SENP2: variants seen among roughly 807,000 people sequenced by gnomAD.
SENP2 encodes sentrin-specific protease 2.
Under a neutral mutation model 86.3 loss-of-function variants are expected in SENP2, and 16 were observed. That is an observed-to-expected ratio of 0.19 (90% confidence interval 0.13 to 0.28). The LOEUF (loss-of-function observed/expected upper bound fraction) is 0.28. SENP2 is among the 10% of genes least tolerant of loss of function. The pLI is 1.00. For synonymous variants in SENP2, 222 were observed against 238.7 expected, an observed-to-expected ratio of 0.93 and a Z score of 0.64; for missense variants, 552 against 703.0, an observed-to-expected ratio of 0.79 and a Z score of 2.43.
At chr3:185,600,953 T>C in intron 5 of SENP2, 98 bp downstream of exon 5, 1 of 804,622 alleles carries the variant, frequency 1.2e-6, no homozygotes, top group Non-Finnish European at 2.1e-6. Context: ...GTAGTCCTGC[T>C]AAGCGCTCTG....
intron 16 of SENP2, among the ~76,000 whole-genome samples, chr3:185,628,605 C>T (rs1302565546): frequency 6.6e-6 from 1 of 152,204 alleles, no homozygotes; most frequent in African/African-American, 2.4e-5. Flanking sequence ...CTCCCGGGTT[C>T]AAGCAAGTCT....
At position 185,594,630 on chromosome 3, in the gene SENP2, T is replaced by G. The variant is rs887137425; in HGVS notation, c.158-3782T>G. Among the ~76,000 whole-genome samples the G allele has an allele frequency of 4.5e-3, 681 of 151,822 alleles. 2 individuals carry two copies. The highest frequency in any genetic ancestry group is 7.9e-3 in the Non-Finnish European group (538 of 67,876). The stretch of plus-strand genomic sequence containing the variant: ...TTTCAGGCTCATGATCTTTTTTTTT[T>G]TTTTTTTGGGACAGAGTCTCGCTGT... On this transcript the variant is annotated intron_variant, in intron 2 of 16. Coordinates refer to ENST00000296257, the MANE Select transcript of SENP2 (RefSeq NM_021627.3).
At chr3:185,620,918 T>C (rs1413722937) in intron 13 of SENP2, among the ~76,000 whole-genome samples, 1 of 151,534 alleles carries the variant, frequency 6.6e-6, no homozygotes, top group Non-Finnish European at 1.5e-5. Context: ...CAGGAGGGGT[T>C]GCTTGAGCCC....
chr3:185,629,089 G>T (rs1712290486), intron 16 of SENP2, among the ~76,000 whole-genome samples: 1 of 152,108 alleles, frequency 6.6e-6, no homozygotes, highest in South Asian at 2.1e-4. Flanking sequence ...TGTAGATTTT[G>T]TTGTTTTTTA....
intron 13 of SENP2, among the ~76,000 whole-genome samples, 180 bp downstream of exon 13, chr3:185,619,682 C>A (rs1711766033): frequency 6.6e-6 from 1 of 150,716 alleles, no homozygotes; most frequent in Non-Finnish European, 1.5e-5. Context: ...CCTTTTAGTT[C>A]TTTTTATTTA....
chr3:185,595,382 A>G (rs1009818340), intron 2 of SENP2, among the ~76,000 whole-genome samples: 1 of 152,188 alleles, frequency 6.6e-6, no homozygotes, highest in Non-Finnish European at 1.5e-5. Context: ...TTAGAAGGGG[A>G]TAACCTGGAA....
intron 2 of SENP2, among the ~76,000 whole-genome samples, chr3:185,595,330 C>T (rs1213570389): frequency 6.6e-6 from 1 of 152,202 alleles, no homozygotes; most frequent in East Asian, 1.9e-4. Context: ...TTCTTCTCCT[C>T]CTTAGAAAGT....
At chr3:185,608,570 T>C (rs1369440846) in intron 6 of SENP2, among the ~76,000 whole-genome samples, 3 of 152,124 alleles carry the variant, frequency 2.0e-5, no homozygotes, top group African/African-American at 7.2e-5. Context: ...GTGATGGAAA[T>C]TTTGAGGAGA....
Position 185,614,757 on chromosome 3 carries a change from T to C in SENP2, c.1110+17T>C, listed in dbSNP as rs1711542826. ...CTTACAGAGGTATTGTTCTTTGTATTGATCCTAAAAAGAGGCATGTCTTTA... is the reference window on the plus strand; with the variant it reads ...CTTACAGAGGTATTGTTCTTTGTATCGATCCTAAAAAGAGGCATGTCTTTA... On this transcript the variant is annotated intron_variant, in intron 11 of 16. Transcript: ENST00000296257. The C allele has an allele frequency of 1.2e-6, 2 of 1,606,130 alleles. No homozygotes were observed. The highest frequency in any genetic ancestry group is 1.3e-5 in the African/African-American group (1 of 74,464).
At chr3:185,591,837 T>C (rs965616313) in intron 2 of SENP2, among the ~76,000 whole-genome samples, 27 of 151,620 alleles carry the variant, frequency 1.8e-4, no homozygotes, top group African/African-American at 5.6e-4. Context: ...GCCCAGGTGA[T>C]CCTTCCATCT....
rs1055985397 is a variant in SENP2, at chr3:185,591,545, G to A, written c.157+1376G>A. The stretch of plus-strand genomic sequence containing the variant: ...TTTTTGTATTTTTAGTAGAGACGGG[G>A]TTTCACCATGTTAGCCAGGATAGTC... On this transcript the variant is annotated intron_variant, in intron 2 of 16. Coordinates refer to ENST00000296257, the MANE Select transcript of SENP2 (RefSeq NM_021627.3). 4.6e-5 allele frequency among the ~76,000 whole-genome samples: 7 copies of A among 151,858 alleles called. 1 individual carries two copies. The highest frequency in any genetic ancestry group is 1.7e-4 in the African/African-American group (7 of 41,432).
rs905701554 is a variant in SENP2, at chr3:185,614,627, A to G, written c.997A>G (p.Ser333Gly). 1.2e-6 allele frequency: 2 copies of G among 1,614,276 alleles called. No individual in the cohort carries two copies. Among genetic ancestry groups the G allele is most frequent in the Non-Finnish European group, 1.7e-6 (2 of 1,180,048 alleles). ...EEVSARLRLG[S>G]GSNGLLRRKV... ...AGTGTCGGCCCGACTCCGCCTGGGC[A>G]GTGGAAGCAATGGCTTACTCAGGAG... Residue 333 changes from serine (S) to glycine (G), a missense_variant, in exon 11 of 17, where the codon AGT (serine) becomes GGT (glycine). Ser to Gly is a moderately conservative substitution (Grantham distance 56). This residue lies in a region of SENP2 where 383 missense variants were observed against 427.3 expected (regional missense o/e 0.90). Coordinates refer to ENST00000296257, the MANE Select transcript of SENP2 (RefSeq NM_021627.3).
At chr3:185,595,679 C>T (rs1722151908) in intron 2 of SENP2, among the ~76,000 whole-genome samples, 1 of 151,968 alleles carries the variant, frequency 6.6e-6, no homozygotes, top group Non-Finnish European at 1.5e-5. Context: ...TTGTAGAAAG[C>T]TTACATCAGA....
chr3:185,627,857 G>T (rs951112663), intron 16 of SENP2, among the ~76,000 whole-genome samples: 1 of 152,152 alleles, frequency 6.6e-6, no homozygotes, highest in African/African-American at 2.4e-5. Context: ...TTCATCCACA[G>T]ACCTTATTTT....
intron 2 of SENP2, among the ~76,000 whole-genome samples, chr3:185,595,795 A>G (rs1475258047): frequency 6.8e-6 from 1 of 147,916 alleles, no homozygotes; most frequent in Non-Finnish European, 1.5e-5. Flanking sequence ...GGTGAGCCTG[A>G]GATTTTTTTT....
chr3:185,616,078 G>C (rs1711590243), intron 11 of SENP2, among the ~76,000 whole-genome samples: 1 of 150,966 alleles, frequency 6.6e-6, no homozygotes, highest in Non-Finnish European at 1.5e-5. Context: ...GGCCAGGCTG[G>C]TCTCGAACTC....
At chr3:185,595,013 C>T (rs980824940) in intron 2 of SENP2, among the ~76,000 whole-genome samples, 3 of 152,080 alleles carry the variant, frequency 2.0e-5, no homozygotes, top group African/African-American at 7.2e-5. Context: ...TGTGAGCCAC[C>T]GTACCTGGCT....
Position 185,601,639 on chromosome 3 carries a change from C to CTTTTTTTTTTTTTTTT in SENP2, c.449+788_449+803dup, listed in dbSNP as rs4012716. On this transcript the variant is annotated intron_variant, in intron 5 of 16. Coordinates refer to ENST00000296257, the MANE Select transcript of SENP2 (RefSeq NM_021627.3). ...ACATTCTCTCCTTTTGTTGTTCTTG[C>CTTTTTTTTTTTTTTTT]TTTTTTTTTTTTTTTTTTTGAGATG... 1.7e-5 allele frequency among the ~76,000 whole-genome samples: 2 copies of CTTTTTTTTTTTTTTTT among 116,768 alleles called. 1 individual carries two copies. The highest frequency in any genetic ancestry group is 3.5e-5 in the Non-Finnish European group (2 of 57,906). The allele number at this position is 116,768 out of a possible 152,430, so 76.6% of individuals were successfully genotyped here.
At chr3:185,612,753 A>T in intron 9 of SENP2, 95 bp downstream of exon 9, 1 of 890,090 alleles carries the variant, frequency 1.1e-6, no homozygotes, top group Non-Finnish European at 1.8e-6. Flanking sequence ...AGGAATTGTG[A>T]ACTCTCTTGA....
Sources: allele counts gnomAD v4.1 joint callset (sites outside exome capture counted in the v4.1 genomes callset), GRCh38; gene constraint gnomAD v4.1.1; regional missense constraint gnomAD v4.1.1; transcripts MANE v1.5; gene names NCBI Gene and HGNC (gene_info 2026-07-23, HGNC 2026-07-21).